Variants in LRRC72 observed in about 807,000 individuals in gnomAD.
LRRC72 encodes leucine-rich repeat-containing protein 72.
In LRRC72, 41 loss-of-function variants were observed where a neutral mutation model predicts 35.8. The ratio of observed to expected loss-of-function variants is 1.15; its 90% CI spans 0.89 to 1.49. The LOEUF (loss-of-function observed/expected upper bound fraction) is 1.49. LRRC72 is among the 40% of genes most tolerant of loss of function. LRRC72 has a pLI of 0.00. For missense variants in LRRC72, 389 were observed against 330.7 expected (o/e 1.18, Z -1.37); for synonymous variants, 118 against 119.2 (o/e 0.99, Z 0.07).
chr7:16,537,823 A>G, intron 3 of LRRC72, 127 bp downstream of exon 3: 1 of 566,468 alleles, frequency 1.8e-6, no homozygotes. Context: ...TAAGAAACCC[A>G]TATAAAACAT....
chr7:16,573,265 C>T (rs1468667279), intron 7 of LRRC72, among the ~76,000 whole-genome samples: 1 of 152,164 alleles, frequency 6.6e-6, no homozygotes, highest in African/African-American at 2.4e-5. Flanking sequence ...CCTCATCAAG[C>T]TACCATTGAC....
At position 16,575,820 on chromosome 7, in the gene LRRC72, G is replaced by A. The variant is rs1432148467; in HGVS notation, c.671-4254G>A. On this transcript the variant is annotated intron_variant, in intron 7 of 8. Coordinates refer to ENST00000401542, the MANE Select transcript of LRRC72 (RefSeq NM_001195280.2). ...GAAAATCTCCCCTCTTAAAAACAGC[G>A]AATGCACACAATAACAAACAATGCA... Among the ~76,000 whole-genome samples the A allele has an allele frequency of 2.6e-5, 4 of 152,224 alleles. No individual in the cohort carries two copies. The East Asian group carries it at 5.8e-4, about 22-fold the overall frequency.
chr7:16,557,095 A>G (rs1782661816), intron 3 of LRRC72, among the ~76,000 whole-genome samples: 1 of 152,208 alleles, frequency 6.6e-6, no homozygotes, highest in South Asian at 2.1e-4. Flanking sequence ...GAGGTTTGGA[A>G]AGCCTAGCAA....
In LRRC72 at chr7:16,557,953, A is replaced by T. The variant is rs185186150; in HGVS notation, c.316+512A>T. On this transcript the variant is annotated intron_variant, in intron 4 of 8. Coordinates refer to ENST00000401542, the MANE Select transcript of LRRC72 (RefSeq NM_001195280.2). ...TTTTCTTTAATATCATATATCATAGAATCAAAATGTCTTAAATTTTAAGGC... is the reference window on the plus strand; with the variant it reads ...TTTTCTTTAATATCATATATCATAGTATCAAAATGTCTTAAATTTTAAGGC... Among the ~76,000 whole-genome samples the T allele has an allele frequency of 2.2e-4, 33 of 152,344 alleles. No individual in the cohort carries two copies. The East Asian group carries it at 6.2e-3, about 28-fold the overall frequency.
At chr7:16,541,944 G>GACAGACACACACAC (rs1554393676) in intron 3 of LRRC72, among the ~76,000 whole-genome samples, 1 of 149,360 alleles carries the variant, frequency 6.7e-6, no homozygotes, top group African/African-American at 2.5e-5. Flanking sequence ...CAGACAGACA[G>GACAGACACACACAC]ACACACACAC....
rs757077760 is a variant in LRRC72, at chr7:16,557,394, G to T, written c.269G>T (p.Cys90Phe). Residue 90 changes from cysteine to phenylalanine, a missense_variant, in exon 4 of 9, where the codon TGT (cysteine) becomes TTT (phenylalanine). Physicochemically the swap from Cys to Phe is radical, Grantham distance 205 (BLOSUM62 -2). Transcript: ENST00000401542. ...ATAACATTTCTAACTAGAAACTATT[G>T]TCTGACAGAACTATATCTAAACAAC... ...HGITFLTRNY[C>F]LTELYLNNNA... 1 of 1,336,304 alleles carries T rather than the reference G, an allele frequency of 7.5e-7. No individual in the cohort carries two copies. The highest frequency in any genetic ancestry group is 9.8e-7 in the Non-Finnish European group (1 of 1,016,918). 82.8% of individuals were successfully genotyped at this position (1,336,304 alleles called of 1,614,324 possible). A position where few individuals can be genotyped will look rare whatever the true frequency, so the allele number is the denominator to read the frequency against.
At chr7:16,535,942 G>T (rs1387847176) in intron 2 of LRRC72, among the ~76,000 whole-genome samples, 2 of 152,140 alleles carry the variant, frequency 1.3e-5, no homozygotes, top group East Asian at 3.9e-4. Context: ...GCACGATCTC[G>T]GCTCACTGCA....
At chr7:16,528,328 C>T (rs1782108305) in intron 1 of LRRC72, among the ~76,000 whole-genome samples, 1 of 151,984 alleles carries the variant, frequency 6.6e-6, no homozygotes. Flanking sequence ...GCACAGCTGC[C>T]CTGATGAGAT....
At chr7:16,537,545 G>A (rs935639563) in intron 2 of LRRC72, 82 bp from the exon 3 acceptor site, 17 of 714,372 alleles carry the variant, frequency 2.4e-5, no homozygotes, top group African/African-American at 3.7e-5. Context: ...TAGTTACTAC[G>A]AAGCCATACT....
chr7:16,581,401 A>G lies in LRRC72; in HGVS notation c.776A>G (p.Asn259Ser). The G allele has an allele frequency of 6.5e-7, 1 of 1,550,382 alleles. No homozygotes were observed. The highest frequency in any genetic ancestry group is 8.7e-7 in the Non-Finnish European group (1 of 1,146,800). Residue 259 changes from asparagine to serine, a missense_variant, in exon 9 of 9, where the codon AAC (asparagine) becomes AGC (serine). By Grantham distance (46) the Asn-to-Ser change is conservative. Transcript: ENST00000401542. ...TCAGTGATGACTTTGACCTCTATGA[A>G]CTGGGACACAGTTCCAACACGAGAG... is the stretch of plus-strand genomic sequence containing the variant. ...KRSVMTLTSM[N>S]WDTVPTREER...
At chr7:16,559,713 T>G (rs1326058359) in intron 5 of LRRC72, among the ~76,000 whole-genome samples, 1 of 151,964 alleles carries the variant, frequency 6.6e-6, no homozygotes, top group African/African-American at 2.4e-5. Context: ...CTGGGAGTTG[T>G]GACAGCTAGA....
chr7:16,527,103 C>A, intron 1 of LRRC72, 61 bp downstream of exon 1: 1 of 1,371,840 alleles, frequency 7.3e-7, no homozygotes. Flanking sequence ...CAGGGCCCCA[C>A]CTCCTGCCTG....
At chr7:16,539,377 C>G (rs1429621541) in intron 3 of LRRC72, among the ~76,000 whole-genome samples, 1 of 152,130 alleles carries the variant, frequency 6.6e-6, no homozygotes, top group Non-Finnish European at 1.5e-5. Flanking sequence ...GCAAAGTGTT[C>G]AAGACATAAC....
chr7:16,557,603 G>C (rs901656178), intron 4 of LRRC72, among the ~76,000 whole-genome samples, 162 bp downstream of exon 4: 2 of 152,074 alleles, frequency 1.3e-5, no homozygotes, highest in Non-Finnish European at 2.9e-5. Context: ...TTGATATTAA[G>C]AAATGTGCTA....
At chr7:16,527,254 G>C (rs1782085808) in intron 1 of LRRC72, among the ~76,000 whole-genome samples, 1 of 152,138 alleles carries the variant, frequency 6.6e-6, no homozygotes, top group Non-Finnish European at 1.5e-5. Flanking sequence ...AGCTACGAGC[G>C]GTGGCGAACC....
At chr7:16,579,917 A>G (rs1349627840) in intron 7 of LRRC72, among the ~76,000 whole-genome samples, 157 bp from the exon 8 acceptor site, 1 of 152,238 alleles carries the variant, frequency 6.6e-6, no homozygotes, top group East Asian at 1.9e-4. Flanking sequence ...GGAGTTAGAT[A>G]AAAAGGCATT....
chr7:16,551,635 T>A (rs1009991379), intron 3 of LRRC72, among the ~76,000 whole-genome samples: 1 of 151,946 alleles, frequency 6.6e-6, no homozygotes, highest in Non-Finnish European at 1.5e-5. Context: ...GTTCAGAGAG[T>A]TTCCAGATAG....
At chr7:16,542,361 C>A (rs1782372562) in intron 3 of LRRC72, among the ~76,000 whole-genome samples, 1 of 152,136 alleles carries the variant, frequency 6.6e-6, no homozygotes, top group African/African-American at 2.4e-5. Context: ...TATTTACATG[C>A]AACAAACTAT....
chr7:16,567,542 A>G lies in LRRC72; in HGVS notation c.669A>G (p.Ser223=). ...FKQKPAQRVP[S]DFAFANNVDK... ...AAAAACCAGCCCAGAGAGTACCTTC[A>G]GGTATTTCGTAAAAAAAAAAAAAAA... The change falls in exon 7 of 9, where the codon TCA becomes TCG. Residue 223 remains serine, a splice_region_variant and synonymous_variant. Transcript: ENST00000401542. 2 of 1,196,002 alleles carry G rather than the reference A, an allele frequency of 1.7e-6. No individual in the cohort carries two copies. The highest frequency in any genetic ancestry group is 4.3e-5 in the South Asian group (2 of 46,252). The allele number at this position is 1,196,002 out of a possible 1,614,324, so 74.1% of individuals were successfully genotyped here.
Sources: gnomAD v4.1 joint callset for allele counts (sites outside exome capture counted in the v4.1 genomes callset) on GRCh38, gnomAD v4.1.1 for gene constraint, MANE v1.5 for transcripts, NCBI Gene and HGNC (gene_info 2026-07-23, HGNC 2026-07-21) for gene names.